The following SUMF1 variants were observed in gnomAD, a reference collection of about 807,000 sequenced individuals.
The protein encoded by SUMF1 is sulfatase modifying factor 1, also known as formylglycine-generating enzyme.
Under a neutral mutation model 47.6 loss-of-function variants are expected in SUMF1, and 48 were observed. That is an observed-to-expected ratio of 1.01 (90% CI 0.80 to 1.28). SUMF1 has a LOEUF of 1.28. Among genes scored for constraint, SUMF1 ranks in the 50% most tolerant of loss-of-function variants. SUMF1 has a pLI of 0.00. For missense variants in SUMF1, 571 were observed against 485.4 expected, an observed-to-expected ratio of 1.18 and a Z score of -1.66; for synonymous variants, 230 against 192.1, an observed-to-expected ratio of 1.20 and a Z score of -1.63.
At chr3:4,412,865 G>C (rs978504389) in intron 6 of SUMF1, among the ~76,000 whole-genome samples, 2 of 152,102 alleles carry the variant, frequency 1.3e-5, no homozygotes, top group Admixed American at 1.3e-4. Context: ...CTCCAGGCTG[G>C]GTGACACAGC....
At chr3:4,370,344 G>C (rs73809521) in intron 8 of SUMF1, among the ~76,000 whole-genome samples, 1 of 152,192 alleles carries the variant, frequency 6.6e-6, no homozygotes, top group African/African-American at 2.4e-5. Context: ...TTCAACTGCA[G>C]GAAGATGGTA....
chr3:4,400,525 C>T (rs968854354), intron 7 of SUMF1, among the ~76,000 whole-genome samples: 2 of 152,146 alleles, frequency 1.3e-5, no homozygotes, highest in African/African-American at 4.8e-5. Context: ...AGAAAAATAA[C>T]ATAATCTGGT....
chr3:4,115,945 A>T (rs1693414944), intron 8 of SUMF1, among the ~76,000 whole-genome samples: 1 of 152,066 alleles, frequency 6.6e-6, no homozygotes, highest in Non-Finnish European at 1.5e-5. Context: ...TAAACATTGG[A>T]CTCTGGAAAC....
intron 8 of SUMF1, among the ~76,000 whole-genome samples, chr3:4,324,726 G>A (rs1287720384): frequency 6.6e-6 from 1 of 152,158 alleles, no homozygotes; most frequent in Non-Finnish European, 1.5e-5. Context: ...TGAAATTACA[G>A]TTATCTGTTT....
chr3:4,048,321 T>C (rs1168426007), intron 9 of SUMF1, among the ~76,000 whole-genome samples: 5 of 152,270 alleles, frequency 3.3e-5, no homozygotes, highest in African/African-American at 1.2e-4. Flanking sequence ...ATATACGGTA[T>C]GCAGGCACTG....
intron 8 of SUMF1, among the ~76,000 whole-genome samples, chr3:4,253,926 A>G (rs887269211): frequency 4.7e-5 from 7 of 150,434 alleles, no homozygotes; most frequent in Admixed American, 2.6e-4. Flanking sequence ...GAGAACTGGC[A>G]GACTGCCTCC....
intron 8 of SUMF1, among the ~76,000 whole-genome samples, chr3:4,234,905 G>C (rs1178296846): frequency 6.6e-6 from 1 of 152,198 alleles, no homozygotes; most frequent in African/African-American, 2.4e-5. Flanking sequence ...GCATTATCAA[G>C]GGCATTTGTA....
chr3:4,454,179 T>C (rs1200937547), intron 1 of SUMF1, among the ~76,000 whole-genome samples: 2 of 152,198 alleles, frequency 1.3e-5, no homozygotes, highest in Admixed American at 6.5e-5. Context: ...AAAACCCTAA[T>C]TGCAACTACT....
In SUMF1 at chr3:4,049,587, G is replaced by A. The variant is rs1325541122; in HGVS notation, c.1191+18982C>T. Among the ~76,000 whole-genome samples, 22 of 152,110 alleles carry A rather than the reference G, an allele frequency of 1.4e-4. 1 individual carries two copies. The highest frequency in any genetic ancestry group is 1.4e-3 in the Admixed American group (22 of 15,268). On this transcript the variant is annotated intron_variant and NMD_transcript_variant, in intron 9 of 12. Transcript: ENST00000448413. ...GTGAGGGGAGCATGCAGACAGGTAG[G>A]TTCAGGAGCCAGAGTAAGCACCCCT...
At chr3:4,217,590 G>A (rs532783732) in intron 8 of SUMF1, among the ~76,000 whole-genome samples, 1 of 111,912 alleles carries the variant, frequency 8.9e-6, no homozygotes, top group Non-Finnish European at 1.9e-5. Flanking sequence ...ACAACATTTT[G>A]TATATATTTC....
chr3:4,100,324 A>G (rs1693004429), intron 8 of SUMF1, among the ~76,000 whole-genome samples: 1 of 151,988 alleles, frequency 6.6e-6, no homozygotes, highest in Admixed American at 6.6e-5. Context: ...ATGGCATAGG[A>G]CTGGCATAAA....
intron 4 of SUMF1, among the ~76,000 whole-genome samples, chr3:4,419,563 G>T (rs940629514): frequency 1.3e-5 from 2 of 152,216 alleles, no homozygotes; most frequent in Non-Finnish European, 2.9e-5. Flanking sequence ...CTTGCTGACC[G>T]ACTTGGCTCT....
chr3:4,448,418 T>C (rs576314593), intron 3 of SUMF1, among the ~76,000 whole-genome samples: 1 of 152,304 alleles, frequency 6.6e-6, no homozygotes, highest in Non-Finnish European at 1.5e-5. Flanking sequence ...TCGTCTTCAA[T>C]GCCTCTAGCT....
At chr3:4,338,558 A>C (rs888823050) in intron 8 of SUMF1, among the ~76,000 whole-genome samples, 7 of 152,214 alleles carry the variant, frequency 4.6e-5, no homozygotes, top group African/African-American at 1.7e-4. Flanking sequence ...CCCTGAGCTC[A>C]TAATTCATTC....
intron 8 of SUMF1, among the ~76,000 whole-genome samples, chr3:4,178,298 T>A (rs1486940604): frequency 6.6e-6 from 1 of 152,172 alleles, no homozygotes; most frequent in East Asian, 1.9e-4. Flanking sequence ...CTCAATAAAA[T>A]ACTGGCAAAC....
chr3:4,208,556 AT>A (rs895963733), intron 8 of SUMF1, among the ~76,000 whole-genome samples: 1 of 152,004 alleles, frequency 6.6e-6, no homozygotes, highest in African/African-American at 2.4e-5. Flanking sequence ...TCAGACTAGG[AT>A]TTTTTTAACT....
chr3:4,162,509 C>T (rs982247783), intron 8 of SUMF1, among the ~76,000 whole-genome samples: 35 of 152,108 alleles, frequency 2.3e-4, no homozygotes, highest in African/African-American at 7.5e-4. Context: ...GGTAATGCCC[C>T]TCTTGCTAGG....
At chr3:4,407,272 C>A (rs773959567) in intron 7 of SUMF1, among the ~76,000 whole-genome samples, 6 of 152,204 alleles carry the variant, frequency 3.9e-5, no homozygotes, top group African/African-American at 1.2e-4. Flanking sequence ...CTGGAAATCA[C>A]TGAAAAAGAA....
At chr3:4,235,355 T>C (rs1013550144) in intron 8 of SUMF1, among the ~76,000 whole-genome samples, 1 of 152,062 alleles carries the variant, frequency 6.6e-6, no homozygotes, top group East Asian at 1.9e-4. Context: ...GTTTTGAATT[T>C]CATAAATTTG....
Sources: gnomAD v4.1 joint callset for allele counts (sites outside exome capture counted in the v4.1 genomes callset) on GRCh38, gnomAD v4.1.1 for gene constraint, MANE v1.5 for transcripts, NCBI Gene and HGNC (gene_info 2026-07-23, HGNC 2026-07-21) for gene names.